DISC1: variants seen among roughly 807,000 people sequenced by gnomAD.
The protein encoded by DISC1 is DISC1 scaffold protein.
In DISC1, 57 loss-of-function variants were observed where a neutral mutation model predicts 84.5. The ratio of observed to expected loss-of-function variants is 0.67; its 90% CI spans 0.55 to 0.84. The LOEUF is 0.84. Among genes scored for constraint, DISC1 ranks in the 40% least tolerant of loss-of-function variants. The pLI is 0.00. For synonymous variants in DISC1, 411 were observed against 415.2 expected (o/e 0.99, Z 0.12); for missense variants, 1,000 against 1,057.8 (o/e 0.95, Z 0.76).
At position 231,677,748 on chromosome 1, in the gene DISC1, G is replaced by C. The variant is rs907341188; in HGVS notation, c.68-16078G>C. Among the ~76,000 whole-genome samples, 4 of 152,344 alleles carry C rather than the reference G, an allele frequency of 2.6e-5. No homozygotes were observed. In the South Asian group the frequency reaches 6.2e-4, roughly 24 times the overall value. Reference sequence around the variant, plus strand: ...AATCCAAGCACTTTGGGAGGCCAAGGCGGGTGGATCGCCTGAGGTCAGGAG... The same window carrying C: ...AATCCAAGCACTTTGGGAGGCCAAGCCGGGTGGATCGCCTGAGGTCAGGAG... On this transcript the variant is annotated intron_variant, in intron 1 of 12. Transcript: ENST00000439617.
chr1:231,907,789 CAACAGTGT>C (rs2088853136), intron 9 of DISC1, among the ~76,000 whole-genome samples: 1 of 152,218 alleles, frequency 6.6e-6, no homozygotes, highest in African/African-American at 2.4e-5. Flanking sequence ...ACAGTCCCAC[CAACAGTGT>C]AAAAGTGTTC....
chr1:231,721,915 A>T (rs866408274), intron 3 of DISC1, among the ~76,000 whole-genome samples: 65 of 152,262 alleles, frequency 4.3e-4, no homozygotes, highest in Middle Eastern at 6.8e-3. Flanking sequence ...GCACTTTGGG[A>T]GGTCGAGGCG....
At chr1:231,916,673 A>G (rs1211020441) in intron 9 of DISC1, among the ~76,000 whole-genome samples, 1 of 150,786 alleles carries the variant, frequency 6.6e-6, no homozygotes, top group African/African-American at 2.4e-5. Flanking sequence ...AAAAAAAAAA[A>G]GAAAGTTCCG....
chr1:231,931,728 A>G (rs1023815963), intron 9 of DISC1, among the ~76,000 whole-genome samples: 1 of 150,622 alleles, frequency 6.6e-6, no homozygotes, highest in African/African-American at 2.4e-5. Flanking sequence ...AACTCACTGC[A>G]GCCTTAAACT....
intron 3 of DISC1, among the ~76,000 whole-genome samples, chr1:231,722,340 G>A (rs912397910): frequency 2.0e-5 from 3 of 152,130 alleles, no homozygotes; most frequent in African/African-American, 4.8e-5. Context: ...GAATGACCAT[G>A]GTATTTGATA....
chr1:231,901,621 T>C (rs1003968119), intron 9 of DISC1, among the ~76,000 whole-genome samples: 2 of 152,222 alleles, frequency 1.3e-5, no homozygotes, highest in Non-Finnish European at 2.9e-5. Context: ...CTGCAGACAC[T>C]GACAAATTGT....
chr1:231,722,866 C>T, intron 3 of DISC1: 1 of 1,395,478 alleles, frequency 7.2e-7, no homozygotes, highest in Non-Finnish European at 9.3e-7. Flanking sequence ...AGTCCCCTGT[C>T]ATGGCATGAA....
At chr1:231,763,614 T>C (rs1440840236) in intron 4 of DISC1, among the ~76,000 whole-genome samples, 1 of 152,244 alleles carries the variant, frequency 6.6e-6, no homozygotes, top group African/African-American at 2.4e-5. Flanking sequence ...TGTTTCTAAA[T>C]GTATGAAGCC....
At chr1:232,036,266 A>G (rs1670507163) in intron 12 of DISC1, among the ~76,000 whole-genome samples, 1 of 152,142 alleles carries the variant, frequency 6.6e-6, no homozygotes, top group South Asian at 2.1e-4. Flanking sequence ...GCAACCCCAA[A>G]TCCTGTATTT....
At chr1:231,971,521 A>G (rs544579430) in intron 10 of DISC1, among the ~76,000 whole-genome samples, 4 of 152,270 alleles carry the variant, frequency 2.6e-5, no homozygotes, top group African/African-American at 7.2e-5. Context: ...AACATTTTCT[A>G]TGATTCATTT....
intron 9 of DISC1, chr1:231,925,895 A>G (rs2090333786): frequency 6.6e-6 from 1 of 152,234 alleles, no homozygotes; most frequent in African/African-American, 2.4e-5. Flanking sequence ...CCTCAGAAGG[A>G]ACCCACTGGA....
chr1:231,968,419 C>T lies in DISC1; in HGVS notation c.2042+9531C>T, dbSNP rs1661397048. 2.0e-5 allele frequency among the ~76,000 whole-genome samples: 3 copies of T among 151,890 alleles called. No homozygotes were observed. The South Asian group carries it at 6.3e-4, about 32-fold the overall frequency. ...CTTCTCGGTACCCTGAGCAGACGTA[C>T]CAGTCACAGTAATTAATATAAAAGG... On this transcript the variant is annotated intron_variant, in intron 10 of 12. Transcript: ENST00000439617.
At chr1:231,767,455 C>T (rs556350758) in intron 5 of DISC1, among the ~76,000 whole-genome samples, 186 bp downstream of exon 5, 127 of 152,288 alleles carry the variant, frequency 8.3e-4, no homozygotes, top group Non-Finnish European at 1.3e-3. Flanking sequence ...AACCCCATGC[C>T]TGGCTAAATT....
chr1:231,984,314 G>C (rs1052576120), intron 10 of DISC1, among the ~76,000 whole-genome samples: 1 of 152,184 alleles, frequency 6.6e-6, no homozygotes. Flanking sequence ...TCAAAGGAAA[G>C]TAGAGAAATT....
intron 9 of DISC1, among the ~76,000 whole-genome samples, chr1:231,948,301 T>G (rs1657627798): frequency 6.6e-6 from 1 of 152,180 alleles, no homozygotes; most frequent in African/African-American, 2.4e-5. Flanking sequence ...TCATGTCCTT[T>G]GCAGGGAGAT....
intron 3 of DISC1, among the ~76,000 whole-genome samples, chr1:231,714,786 A>G (rs543337200): frequency 1.3e-5 from 2 of 152,300 alleles, no homozygotes; most frequent in East Asian, 3.9e-4. Context: ...ACACATATGC[A>G]CATACACAGT....
chr1:231,894,667 A>G (rs975184730), intron 9 of DISC1, among the ~76,000 whole-genome samples: 14 of 151,930 alleles, frequency 9.2e-5, no homozygotes, highest in African/African-American at 3.4e-4. Context: ...GTTTGGTGTC[A>G]GAGATATAAT....
rs751653683 is a variant in DISC1 at position 231,886,864 on chromosome 1, TCC to T, written c.1981+68348_1981+68349del. On this transcript the variant is annotated intron_variant, in intron 9 of 12. Coordinates refer to ENST00000439617, the MANE Select transcript of DISC1 (RefSeq NM_018662.3). ...CTTTCTTTTCTTTCTTTCTTTTCTTTCCTTTTTTTTTTTTTGAAATGGAGTCT... is the reference window on the plus strand; with the variant it reads ...CTTTCTTTTCTTTCTTTCTTTTCTTTTTTTTTTTTTTTTGAAATGGAGTCT... 6.0e-5 allele frequency among the ~76,000 whole-genome samples: 6 copies of T among 100,180 alleles called. 1 individual carries two copies. The highest frequency in any genetic ancestry group is 1.1e-4 in the Admixed American group (1 of 9,286). The allele number at this position is 100,180 out of a possible 152,430, so 65.7% of individuals were successfully genotyped here.
intron 10 of DISC1, among the ~76,000 whole-genome samples, chr1:231,975,902 C>G (rs898504087): frequency 1.3e-5 from 2 of 152,160 alleles, no homozygotes; most frequent in African/African-American, 4.8e-5. Context: ...GATGGGTACC[C>G]TAGAGCCCTG....
Sources: allele counts gnomAD v4.1 joint callset (sites outside exome capture counted in the v4.1 genomes callset), GRCh38; gene constraint gnomAD v4.1.1; transcripts MANE v1.5; gene names NCBI Gene and HGNC (gene_info 2026-07-23, HGNC 2026-07-21).